The following SIPA1L1 variants were observed in gnomAD, a reference collection of about 807,000 sequenced individuals.
SIPA1L1 encodes the protein signal induced proliferation associated 1 like 1.
Under a neutral mutation model 162.7 loss-of-function variants are expected in SIPA1L1, and 26 were observed. The ratio of observed to expected loss-of-function variants is 0.16; its 90% CI spans 0.12 to 0.22. The LOEUF is 0.22. SIPA1L1 is among the 10% of genes least tolerant of loss of function. SIPA1L1 has a pLI of 1.00. For missense variants in SIPA1L1, 1,874 were observed against 2,241.0 expected, an observed-to-expected ratio of 0.84 and a Z score of 3.31; for synonymous variants, 829 against 837.4, an observed-to-expected ratio of 0.99 and a Z score of 0.17.
intron 5 of SIPA1L1, among the ~76,000 whole-genome samples, chr14:71,606,088 T>C (rs2148169660): frequency 6.6e-6 from 1 of 152,216 alleles, no homozygotes; most frequent in Non-Finnish European, 1.5e-5. Flanking sequence ...GGCTGAGTTA[T>C]CCCCAGACCC....
At chr14:71,725,628 C>T (rs954403880) in intron 19 of SIPA1L1, among the ~76,000 whole-genome samples, 3 of 152,164 alleles carry the variant, frequency 2.0e-5, no homozygotes, top group South Asian at 4.1e-4. Flanking sequence ...TCACTTAAGG[C>T]TCTCTCCTTT....
intron 4 of SIPA1L1, among the ~76,000 whole-genome samples, chr14:71,553,932 G>A (rs1481788330): frequency 6.6e-6 from 1 of 152,128 alleles, no homozygotes; most frequent in African/African-American, 2.4e-5. Context: ...TCAGATTGTG[G>A]TTTGTGTTTG....
At chr14:71,649,136 A>G (rs571181313) in intron 7 of SIPA1L1, among the ~76,000 whole-genome samples, 2 of 152,170 alleles carry the variant, frequency 1.3e-5, no homozygotes, top group South Asian at 4.2e-4. Flanking sequence ...CACTCTGGAA[A>G]TAGGATTAAG....
rs545830595 is a variant in SIPA1L1 at position 71,724,749 on chromosome 14, C to T, written c.4528C>T (p.Pro1510Ser). 83 of 1,614,150 alleles carry T rather than the reference C, an allele frequency of 5.1e-5. 1 individual carries two copies. In the South Asian group the frequency reaches 5.4e-4, roughly 10 times the overall value. ...CAGAGACCTCCGGGCATCTCCTAAG[C>T]CAACCTCCAAGTCCACCATTGAAGA... is the stretch of plus-strand genomic sequence containing the variant. ...STRDLRASPK[P>S]TSKSTIEEDL... The change falls in exon 19 of 24, where the codon CCA (proline) becomes TCA (serine). Residue 1510 changes from proline to serine, a missense_variant. Pro to Ser is a moderately conservative substitution (Grantham distance 74). Transcript: ENST00000381232.
At chr14:71,502,255 A>ATATATATATATATAT (rs1555440997) in intron 2 of SIPA1L1, among the ~76,000 whole-genome samples, 53 of 97,544 alleles carry the variant, frequency 5.4e-4, no homozygotes, top group African/African-American at 2.4e-3. Flanking sequence ...AAAAAAAAAA[A>ATATATATATATATAT]ATATATATAT....
intron 17 of SIPA1L1, among the ~76,000 whole-genome samples, chr14:71,721,552 G>A (rs935002818): frequency 2.0e-5 from 3 of 152,182 alleles, no homozygotes; most frequent in Middle Eastern, 3.2e-3. Flanking sequence ...GCCCTGGGTG[G>A]GTCTGGAACG....
intron 4 of SIPA1L1, among the ~76,000 whole-genome samples, chr14:71,552,006 T>C (rs1358204416): frequency 6.6e-6 from 1 of 152,222 alleles, no homozygotes; most frequent in Non-Finnish European, 1.5e-5. Flanking sequence ...ATGGCACTTC[T>C]AGCCATCTGA....
intron 4 of SIPA1L1, among the ~76,000 whole-genome samples, chr14:71,548,317 G>C (rs976573596): frequency 2.4e-4 from 36 of 152,070 alleles, no homozygotes; most frequent in Non-Finnish European, 2.1e-4. Flanking sequence ...TGCTGTCAGC[G>C]TTTTATTTAC....
chr14:71,663,968 A>G (rs2043770565), intron 10 of SIPA1L1, among the ~76,000 whole-genome samples: 1 of 152,236 alleles, frequency 6.6e-6, no homozygotes, highest in African/African-American at 2.4e-5. Flanking sequence ...TGCCTATTGC[A>G]AACTTTAAAG....
chr14:71,390,779 C>T (rs1451882312), intron 2 of SIPA1L1, among the ~76,000 whole-genome samples: 1 of 151,926 alleles, frequency 6.6e-6, no homozygotes, highest in African/African-American at 2.4e-5. Flanking sequence ...AATGAGATCC[C>T]ACCTCAAAAA....
chr14:71,446,698 A>C (rs1217094911), intron 2 of SIPA1L1, among the ~76,000 whole-genome samples: 1 of 152,048 alleles, frequency 6.6e-6, no homozygotes, highest in African/African-American at 2.4e-5. Flanking sequence ...TTGTTTTCTT[A>C]GGATAATTAT....
chr14:71,606,922 A>C (rs2037590798), intron 5 of SIPA1L1, among the ~76,000 whole-genome samples: 1 of 152,140 alleles, frequency 6.6e-6, no homozygotes, highest in African/African-American at 2.4e-5. Flanking sequence ...TTTCAGGCAG[A>C]AGAAAAAAAT....
chr14:71,465,435 C>G (rs1286637524), intron 2 of SIPA1L1, among the ~76,000 whole-genome samples: 1 of 152,156 alleles, frequency 6.6e-6, no homozygotes, highest in Admixed American at 6.5e-5. Flanking sequence ...AGCAACCAAC[C>G]AGCTTCATTA....
chr14:71,614,827 T>G (rs1334912463), intron 5 of SIPA1L1, among the ~76,000 whole-genome samples: 2 of 152,220 alleles, frequency 1.3e-5, no homozygotes, highest in African/African-American at 2.4e-5. Flanking sequence ...ATCATTAATT[T>G]TACAGTTTTT....
chr14:71,336,247 T>G (rs185231108), intron 2 of SIPA1L1, among the ~76,000 whole-genome samples: 3 of 152,306 alleles, frequency 2.0e-5, no homozygotes, highest in Admixed American at 1.3e-4. Flanking sequence ...AGTCAGTAGT[T>G]CTTAGTATAT....
At chr14:71,734,320 T>G (rs2085085876) in intron 21 of SIPA1L1, among the ~76,000 whole-genome samples, 1 of 152,270 alleles carries the variant, frequency 6.6e-6, no homozygotes, top group Non-Finnish European at 1.5e-5. Flanking sequence ...CTGGCGGTTC[T>G]TAAATGCAGG....
chr14:71,719,003 A>G (rs1394660222), intron 17 of SIPA1L1, among the ~76,000 whole-genome samples: 1 of 151,924 alleles, frequency 6.6e-6, no homozygotes, highest in Non-Finnish European at 1.5e-5. Context: ...TAGTGGTGTG[A>G]ACTTGGCTCA....
intron 7 of SIPA1L1, among the ~76,000 whole-genome samples, chr14:71,645,052 T>C (rs2042042087): frequency 6.6e-6 from 1 of 152,236 alleles, no homozygotes; most frequent in Admixed American, 6.5e-5. Flanking sequence ...CCGGGGGCTC[T>C]AAGGGTGAAT....
At chr14:71,386,239 C>T (rs2040313401) in intron 2 of SIPA1L1, among the ~76,000 whole-genome samples, 1 of 152,168 alleles carries the variant, frequency 6.6e-6, no homozygotes. Flanking sequence ...CAGTCCAAGT[C>T]CCAAAGCTGA....
Sources: gnomAD v4.1 joint callset for allele counts (sites outside exome capture counted in the v4.1 genomes callset) on GRCh38, gnomAD v4.1.1 for gene constraint, MANE v1.5 for transcripts, NCBI Gene and HGNC (gene_info 2026-07-23, HGNC 2026-07-21) for gene names.